GTF3C1: variants seen among roughly 807,000 people sequenced by gnomAD.
The protein encoded by GTF3C1 is general transcription factor IIIC subunit 1, also known as general transcription factor 3C polypeptide 1.
GTF3C1 carries 57 observed loss-of-function variants against 226.7 expected under a neutral mutation model. The observed-to-expected ratio is 0.25, with a 90% CI of 0.20 to 0.31. The LOEUF is 0.31. GTF3C1 is among the 10% of genes least tolerant of loss of function. The pLI, the probability that GTF3C1 is intolerant of heterozygous loss-of-function variation, is 1.00. For missense variants in GTF3C1, 2,217 were observed against 2,776.1 expected, an observed-to-expected ratio of 0.80 and a Z score of 4.53; for synonymous variants, 1,090 against 1,084.8, an observed-to-expected ratio of 1.00 and a Z score of -0.09.
At chr16:27,539,201 G>A (rs899771059) in intron 2 of GTF3C1, among the ~76,000 whole-genome samples, 20 of 152,216 alleles carry the variant, frequency 1.3e-4, no homozygotes, top group Middle Eastern at 6.8e-3. Flanking sequence ...AATCTTCAGA[G>A]TCAAAAGCAC....
At chr16:27,489,231 AG>A in intron 20 of GTF3C1, 53 bp from the exon 21 acceptor site, 1 of 1,598,752 alleles carries the variant, frequency 6.3e-7, no homozygotes, top group Non-Finnish European at 8.6e-7. Context: ...TCACCGAAAA[AG>A]AGAGCCCATG....
At chr16:27,480,451 G>A (rs149864940) in intron 27 of GTF3C1, among the ~76,000 whole-genome samples, 98 of 152,314 alleles carry the variant, frequency 6.4e-4, no homozygotes, top group African/African-American at 2.3e-3. Flanking sequence ...TATCTGTTGA[G>A]TGAATGAAGG....
At chr16:27,494,357 C>T (rs867758137) in intron 16 of GTF3C1, among the ~76,000 whole-genome samples, 3 of 149,726 alleles carry the variant, frequency 2.0e-5, no homozygotes, top group Non-Finnish European at 4.4e-5. Flanking sequence ...GCAGAGATCG[C>T]GCCACTGCAC....
intron 24 of GTF3C1, 68 bp downstream of exon 24, chr16:27,485,929 G>T: frequency 9.3e-7 from 1 of 1,078,486 alleles, no homozygotes; most frequent in Non-Finnish European, 1.4e-6. Flanking sequence ...GGGAGTCCCC[G>T]GAAGGCTCAG....
chr16:27,483,465 T>A (rs574293827), intron 25 of GTF3C1: 1 of 487,246 alleles, frequency 2.1e-6, no homozygotes, highest in South Asian at 1.5e-5. Context: ...TTTAAAAACA[T>A]CAAACAGGCT....
At chr16:27,502,439 T>C (rs1471319090) in intron 11 of GTF3C1, among the ~76,000 whole-genome samples, 62 of 152,190 alleles carry the variant, frequency 4.1e-4, no homozygotes, top group Admixed American at 4.0e-3. Context: ...TCTTGTTTTT[T>C]CTCCTCTAGA....
At chr16:27,477,950 A>T (rs1267532559) in intron 28 of GTF3C1, among the ~76,000 whole-genome samples, 1 of 152,210 alleles carries the variant, frequency 6.6e-6, no homozygotes, top group Non-Finnish European at 1.5e-5. Context: ...TGGGCAGATC[A>T]CTTGAGGCCA....
chr16:27,548,469 G>A (rs571272896), intron 1 of GTF3C1, among the ~76,000 whole-genome samples: 1 of 152,234 alleles, frequency 6.6e-6, no homozygotes, highest in South Asian at 2.1e-4. Context: ...GTTTCACCAC[G>A]TTGGTCAGGC....
chr16:27,546,852 T>C (rs8061947), intron 1 of GTF3C1, among the ~76,000 whole-genome samples: 126,937 of 151,930 alleles, frequency 0.84, 53,180 homozygotes, highest in East Asian at 1. Context: ...CTGCAACCTC[T>C]ACCTTCTGGG....
At chr16:27,534,467 G>A (rs1231752130) in intron 4 of GTF3C1, among the ~76,000 whole-genome samples, 2 of 152,170 alleles carry the variant, frequency 1.3e-5, no homozygotes, top group Non-Finnish European at 2.9e-5. Context: ...GCTTCTCAAT[G>A]AATGAAAGAA....
At chr16:27,515,436 G>A (rs2088641934) in intron 6 of GTF3C1, among the ~76,000 whole-genome samples, 1 of 150,476 alleles carries the variant, frequency 6.6e-6, no homozygotes, top group African/African-American at 2.4e-5. Context: ...GCAAGAGTGA[G>A]ACTCTGTTTC....
chr16:27,477,723 G>A (rs976971307), intron 28 of GTF3C1, among the ~76,000 whole-genome samples: 29 of 152,152 alleles, frequency 1.9e-4, no homozygotes, highest in Non-Finnish European at 4.4e-5. Context: ...TAAGGTTTCT[G>A]GTCAACAGTA....
At chr16:27,472,529 C>G (rs2087891132) in intron 29 of GTF3C1, among the ~76,000 whole-genome samples, 1 of 152,242 alleles carries the variant, frequency 6.6e-6, no homozygotes. Context: ...GGACTTCCCT[C>G]TGCAGATGTG....
intron 29 of GTF3C1, among the ~76,000 whole-genome samples, chr16:27,472,623 C>T (rs113513447): frequency 3.9e-5 from 6 of 152,362 alleles, no homozygotes; most frequent in African/African-American, 1.2e-4. Flanking sequence ...CGTCCCCCAA[C>T]ACCACCCCTC....
rs971045137 is a variant in GTF3C1, at chr16:27,488,273, C to T, written c.3654G>A (p.Lys1218=). 1 of 1,614,232 alleles carries T rather than the reference C, an allele frequency of 6.2e-7. No individual in the cohort carries two copies. The highest frequency in any genetic ancestry group is 8.5e-7 in the Non-Finnish European group (1 of 1,180,046). The change falls in exon 23 of 37, where the codon AAG becomes AAA. Residue 1218 remains lysine, a synonymous_variant. Coordinates refer to ENST00000356183, the MANE Select transcript of GTF3C1 (RefSeq NM_001520.4). ...TCTTCCCAGGGTCCTTCTTCAGCCG[C>T]TTCCGCTTCTGGCTTTTCCCACCCC... ...RVRGGKSQKR[K]RLKKDPGKKI... is the part of the protein sequence containing the mutation.
rs763334673 is a variant in GTF3C1, at chr16:27,496,425, T to C, written c.2351-933A>G. On this transcript the variant is annotated intron_variant, in intron 14 of 36. Transcript: ENST00000356183. ...AGTTTTTGTTGTTTATTGTTGTTGT[T>C]GTTTTGAAACAGAGTCTCGCTCTGT... Among the ~76,000 whole-genome samples, 13 of 152,236 alleles carry C rather than the reference T, an allele frequency of 8.5e-5. 1 individual carries two copies. Among genetic ancestry groups the C allele is most frequent in the Non-Finnish European group, 1.8e-4 (12 of 68,040 alleles).
Position 27,544,399 on chromosome 16 carries a change from G to A in GTF3C1, c.431+915C>T, listed in dbSNP as rs114626874. ...GACTCTGTCTCAAAAAAAAGAAAAA[G>A]AAAATCAAGGAGAAAGATGAGCTAA... On this transcript the variant is annotated intron_variant, in intron 2 of 36. Transcript: ENST00000356183. 4.9e-3 allele frequency among the ~76,000 whole-genome samples: 736 copies of A among 151,204 alleles called. 4 individuals are homozygous for A. The highest frequency in any genetic ancestry group is 0.017 in the African/African-American group (698 of 41,236).
At chr16:27,510,132 T>A (rs2088551436) in intron 7 of GTF3C1, among the ~76,000 whole-genome samples, 1 of 152,122 alleles carries the variant, frequency 6.6e-6, no homozygotes, top group Admixed American at 6.5e-5. Flanking sequence ...ACGCCTGTAA[T>A]CCCAGCACTT....
chr16:27,481,233 C>G (rs2088040872), intron 26 of GTF3C1, 42 bp from the exon 27 acceptor site: 1 of 1,555,784 alleles, frequency 6.4e-7, no homozygotes, highest in Non-Finnish European at 8.9e-7. Flanking sequence ...CTTACTCTTC[C>G]TAAAGGGAGG....
Sources: gnomAD v4.1 joint callset for allele counts (sites outside exome capture counted in the v4.1 genomes callset) on GRCh38, gnomAD v4.1.1 for gene constraint, MANE v1.5 for transcripts, NCBI Gene and HGNC (gene_info 2026-07-23, HGNC 2026-07-21) for gene names.